TAFA2: variants seen among roughly 807,000 people sequenced by gnomAD.
TAFA2 encodes chemokine-like protein TAFA-2.
A neutral mutation model predicts 18.8 loss-of-function variants in TAFA2; 7 were observed. The observed-to-expected ratio is 0.37, with a 90% CI of 0.21 to 0.70. The LOEUF is 0.70. Among genes scored for constraint, TAFA2 ranks in the 30% least tolerant of loss-of-function variants. TAFA2 has a pLI of 0.53. For synonymous variants in TAFA2, 60 were observed against 54.2 expected, an observed-to-expected ratio of 1.11 and a Z score of -0.47; for missense variants, 122 against 158.1, an observed-to-expected ratio of 0.77 and a Z score of 1.23.
chr12:62,095,467 G>T, intron 1 of TAFA2, among the ~76,000 whole-genome samples: 1 of 152,234 alleles, frequency 6.6e-6, no homozygotes, highest in African/African-American at 2.4e-5. Flanking sequence ...ATTCTGTAAG[G>T]CCAGATGGCA....
intron 2 of TAFA2, among the ~76,000 whole-genome samples, chr12:61,772,755 A>G (rs1870089397): frequency 6.6e-6 from 1 of 151,984 alleles, no homozygotes; most frequent in South Asian, 2.1e-4. Context: ...TCAGTATTAT[A>G]CTGAACGGGG....
chr12:61,923,442 G>T (rs1362478692), intron 1 of TAFA2, among the ~76,000 whole-genome samples: 1 of 152,162 alleles, frequency 6.6e-6, no homozygotes, highest in Admixed American at 6.5e-5. Flanking sequence ...TGATATCCAG[G>T]AAAACAGTCT....
At chr12:61,928,134 T>A (rs1877387240) in intron 1 of TAFA2, among the ~76,000 whole-genome samples, 1 of 152,164 alleles carries the variant, frequency 6.6e-6, no homozygotes, top group South Asian at 2.1e-4. Flanking sequence ...TCAAAATCAA[T>A]GGCAACGAAG....
intron 1 of TAFA2, among the ~76,000 whole-genome samples, chr12:62,088,915 T>G (rs1868585744): frequency 1.3e-5 from 2 of 152,000 alleles, no homozygotes; most frequent in Admixed American, 6.6e-5. Context: ...TATCTCTGTG[T>G]GTGTGTGTGT....
At chr12:62,076,215 G>T (rs926647441) in intron 1 of TAFA2, among the ~76,000 whole-genome samples, 4 of 152,022 alleles carry the variant, frequency 2.6e-5, no homozygotes, top group African/African-American at 9.7e-5. Context: ...AGCATGTCTG[G>T]TATAATCCAT....
intron 2 of TAFA2, among the ~76,000 whole-genome samples, chr12:61,835,403 G>A (rs10732747): frequency 0.88 from 133,001 of 151,946 alleles, 58,371 homozygotes; most frequent in African/African-American, 0.95. Context: ...TTCAAGGGGT[G>A]CATTTGCAGG....
chr12:61,820,508 A>C (rs1872274232), intron 2 of TAFA2, among the ~76,000 whole-genome samples: 1 of 151,890 alleles, frequency 6.6e-6, no homozygotes, highest in Non-Finnish European at 1.5e-5. Flanking sequence ...TCTCAGAGTA[A>C]GGAATATAAA....
At chr12:62,211,594 AG>A (rs2062714714) in intron 1 of TAFA2, among the ~76,000 whole-genome samples, 1 of 140,740 alleles carries the variant, frequency 7.1e-6, no homozygotes, top group Non-Finnish European at 1.6e-5. Flanking sequence ...AAAAAAAAAA[AG>A]GTAGAAAAAT....
intron 1 of TAFA2, among the ~76,000 whole-genome samples, chr12:61,950,875 A>T (rs1468482459): frequency 6.6e-6 from 1 of 152,166 alleles, no homozygotes; most frequent in Non-Finnish European, 1.5e-5. Context: ...GCATGCAGCT[A>T]TTAAACAGAT....
At chr12:61,822,916 C>G (rs1049278494) in intron 2 of TAFA2, among the ~76,000 whole-genome samples, 4 of 152,134 alleles carry the variant, frequency 2.6e-5, no homozygotes, top group African/African-American at 9.7e-5. Flanking sequence ...AGTCAAGCCT[C>G]TAGCCAAGGT....
intron 3 of TAFA2, among the ~76,000 whole-genome samples, 181 bp downstream of exon 3, chr12:61,754,691 G>T (rs1032405749): frequency 6.6e-6 from 1 of 151,744 alleles, no homozygotes; most frequent in African/African-American, 2.4e-5. Context: ...TAATATTTTA[G>T]ACCTCTTTCC....
At chr12:61,982,615 A>G (rs1056645091) in intron 1 of TAFA2, among the ~76,000 whole-genome samples, 9 of 152,052 alleles carry the variant, frequency 5.9e-5, no homozygotes, top group African/African-American at 1.9e-4. Flanking sequence ...TTAAACATGG[A>G]TCTTTCACAT....
chr12:62,254,067 C>G (rs2062927205), intron 1 of TAFA2, among the ~76,000 whole-genome samples: 1 of 152,146 alleles, frequency 6.6e-6, no homozygotes, highest in Admixed American at 6.5e-5. Flanking sequence ...CCTTCTTAAT[C>G]TCTTTGTAAT....
intron 2 of TAFA2, among the ~76,000 whole-genome samples, chr12:61,843,381 G>A (rs1197015737): frequency 6.6e-6 from 1 of 152,022 alleles, no homozygotes; most frequent in Non-Finnish European, 1.5e-5. Context: ...AAAAAATGAG[G>A]CTGACCAAAC....
At chr12:61,988,199 G>T (rs932886994) in intron 1 of TAFA2, among the ~76,000 whole-genome samples, 1 of 152,032 alleles carries the variant, frequency 6.6e-6, no homozygotes, top group East Asian at 1.9e-4. Context: ...GATGTTTAGG[G>T]GAAATTATTG....
intron 1 of TAFA2, among the ~76,000 whole-genome samples, chr12:61,874,083 C>T (rs1222679407): frequency 6.6e-6 from 1 of 152,116 alleles, no homozygotes; most frequent in East Asian, 1.9e-4. Flanking sequence ...CAAGTATTAT[C>T]ACATGATGGC....
At chr12:61,810,560 T>G (rs930235140) in intron 2 of TAFA2, among the ~76,000 whole-genome samples, 6 of 151,412 alleles carry the variant, frequency 4.0e-5, no homozygotes, top group African/African-American at 1.5e-4. Flanking sequence ...AAAGTTTAAA[T>G]AATGTGGCAG....
intron 1 of TAFA2, among the ~76,000 whole-genome samples, chr12:62,138,223 A>G (rs1422996090): frequency 6.6e-6 from 1 of 152,116 alleles, no homozygotes; most frequent in Non-Finnish European, 1.5e-5. Context: ...GTTCAAAGTT[A>G]CAGTGAGCTA....
intron 4 of TAFA2, chr12:61,720,759 G>A (rs115500287): frequency 2.6e-6 from 1 of 383,068 alleles, no homozygotes; most frequent in African/African-American, 2.1e-5. Context: ...TGAAACTTCT[G>A]TCCCTTCCTT....
Sources: gnomAD v4.1 joint callset for allele counts (sites outside exome capture counted in the v4.1 genomes callset) on GRCh38, gnomAD v4.1.1 for gene constraint, MANE v1.5 for transcripts, NCBI Gene and HGNC (gene_info 2026-07-23, HGNC 2026-07-21) for gene names.